NFATC3: variants seen among roughly 807,000 people sequenced by gnomAD.
NFATC3 encodes the protein nuclear factor of activated T cells 3.
A neutral mutation model predicts 98.6 loss-of-function variants in NFATC3; 46 were observed. That is an observed-to-expected ratio of 0.47 (90% CI 0.37 to 0.60). The LOEUF is 0.60. NFATC3 is among the 20% of genes least tolerant of loss of function. The pLI is 0.00. For synonymous variants in NFATC3, 512 were observed against 472.2 expected, an observed-to-expected ratio of 1.08 and a Z score of -1.09; for missense variants, 1,256 against 1,295.5, an observed-to-expected ratio of 0.97 and a Z score of 0.47.
chr16:68,160,183 A>G (rs1012125282), intron 4 of NFATC3, among the ~76,000 whole-genome samples: 1 of 152,266 alleles, frequency 6.6e-6, no homozygotes. Flanking sequence ...ATAGAAACTG[A>G]TATGTTTCTA....
At chr16:68,138,021 C>G (rs1567516164) in intron 3 of NFATC3, among the ~76,000 whole-genome samples, 1 of 152,036 alleles carries the variant, frequency 6.6e-6, no homozygotes, top group Admixed American at 6.6e-5. Context: ...GATACTCTTT[C>G]TCTTACTTTA....
At chr16:68,195,045 G>A (rs2040602680) in intron 9 of NFATC3, among the ~76,000 whole-genome samples, 1 of 151,744 alleles carries the variant, frequency 6.6e-6, no homozygotes, top group East Asian at 1.9e-4. Flanking sequence ...CTAAGGTCAG[G>A]AGTTGGAGAC....
intron 2 of NFATC3, among the ~76,000 whole-genome samples, chr16:68,124,624 G>A (rs980447527): frequency 5.3e-5 from 8 of 150,780 alleles, no homozygotes; most frequent in African/African-American, 2.0e-4. Flanking sequence ...TAGTAGAGAC[G>A]GGGTTTCACC....
intron 9 of NFATC3, among the ~76,000 whole-genome samples, chr16:68,199,368 C>T (rs1311352428): frequency 3.7e-4 from 55 of 148,914 alleles, no homozygotes; most frequent in East Asian, 8.4e-4. Context: ...GGACTACAGG[C>T]GCCCGCCACC....
chr16:68,198,356 T>C (rs919766428), intron 9 of NFATC3, among the ~76,000 whole-genome samples: 2 of 152,102 alleles, frequency 1.3e-5, no homozygotes, highest in African/African-American at 4.8e-5. Context: ...AATATTCTAA[T>C]ATAGCTCTCA....
chr16:68,114,282 A>G (rs778063831), intron 1 of NFATC3, among the ~76,000 whole-genome samples: 30 of 151,930 alleles, frequency 2.0e-4, no homozygotes, highest in Non-Finnish European at 3.7e-4. Context: ...AGTCAGTCCC[A>G]GTGAGAGAAC....
At chr16:68,207,641 T>C (rs2041205980) in intron 9 of NFATC3, among the ~76,000 whole-genome samples, 1 of 152,102 alleles carries the variant, frequency 6.6e-6, no homozygotes, top group African/African-American at 2.4e-5. Context: ...TTTTTGTATT[T>C]TTAGTAAAAA....
chr16:68,114,598 CGG>C (rs1267911740), intron 1 of NFATC3, among the ~76,000 whole-genome samples: 3 of 139,654 alleles, frequency 2.1e-5, no homozygotes, highest in African/African-American at 8.1e-5. Context: ...TTTTTTGAGA[CGG>C]AGTCTTGCTT....
rs186567823 is a variant in NFATC3 at position 68,089,002 on chromosome 16, T to C, written c.103+3218T>C. On this transcript the variant is annotated intron_variant, in intron 1 of 9. Transcript: ENST00000346183. ...AATAAGTGAATAAATAACACCTAAG[T>C]TTTGAATCATTGCTCACTGCTCTTT... 5 of 985,378 alleles carry C rather than the reference T, an allele frequency of 5.1e-6. No individual in the cohort carries two copies. In the East Asian group the frequency reaches 5.7e-4, roughly 112 times the overall value. The allele number at this position is 985,378 out of a possible 1,614,324, so 61.0% of individuals were successfully genotyped here. A position where few individuals can be genotyped will look rare whatever the true frequency, so the allele number is the denominator to read the frequency against.
chr16:68,098,302 T>TATTA (rs199707898), intron 1 of NFATC3, among the ~76,000 whole-genome samples: 22 of 119,566 alleles, frequency 1.8e-4, no homozygotes, highest in African/African-American at 6.8e-4. Context: ...TTATTATTAT[T>TATTA]TTTTTTTTTT....
intron 9 of NFATC3, among the ~76,000 whole-genome samples, chr16:68,208,713 G>A (rs1313531937): frequency 2.7e-5 from 4 of 150,910 alleles, no homozygotes; most frequent in Non-Finnish European, 5.9e-5. Flanking sequence ...CTGAGACTCC[G>A]TCTCAAAAAC....
rs200019144 is a variant in NFATC3 at position 68,122,391 on chromosome 16, A to G, written c.508A>G (p.Ile170Val). ...TCTTAGTCCTAGTCCTGCCAGCAGCATCTCTTCTAGGAGTTGGTTCTCTGA... is the reference window on the plus strand; with the variant it reads ...TCTTAGTCCTAGTCCTGCCAGCAGCGTCTCTTCTAGGAGTTGGTTCTCTGA... ...SSLSPSPASS[I>V]SSRSWFSDAS... The change falls in exon 2 of 10, where the codon ATC (isoleucine) becomes GTC (valine). Residue 170 changes from isoleucine to valine, a missense_variant. By Grantham distance (29) the Ile-to-Val change is conservative (BLOSUM62 3). This residue lies in a region of NFATC3 where 464 missense variants were observed against 465.7 expected (regional missense o/e 1.00). Transcript: ENST00000346183. 4.3e-6 allele frequency: 7 copies of G among 1,614,144 alleles called. No individual in the cohort carries two copies. The Admixed American group carries it at 5.0e-5, about 12-fold the overall frequency.
rs1380247998 is a variant in NFATC3, at chr16:68,167,813, T to C, written c.1774+798T>C. Among the ~76,000 whole-genome samples, 69 of 51,136 alleles carry C rather than the reference T, an allele frequency of 1.3e-3. 1 individual carries two copies. Among genetic ancestry groups the C allele is most frequent in the Middle Eastern group, 7.4e-3 (1 of 136 alleles). 33.5% of individuals were successfully genotyped at this position (51,136 alleles called of 152,430 possible). ...ATATCTGTTAACCGTATGTGTTCTT[T>C]TTTTTTTTTTTTTTTTTTTTTTTTT... On this transcript the variant is annotated intron_variant, in intron 5 of 9. Coordinates refer to ENST00000346183, the MANE Select transcript of NFATC3 (RefSeq NM_173165.3).
intron 9 of NFATC3, among the ~76,000 whole-genome samples, chr16:68,202,592 G>A (rs962769731): frequency 2.0e-5 from 3 of 152,006 alleles, no homozygotes; most frequent in South Asian, 2.1e-4. Flanking sequence ...CAGGTAGATC[G>A]CCTGAGGTCA....
In NFATC3 at chr16:68,227,225, C is replaced by G. The variant is rs2042057237; in HGVS notation, c.*754C>G. The G allele has an allele frequency of 6.6e-6, 1 of 152,186 alleles. No individual in the cohort carries two copies. The highest frequency in any genetic ancestry group is 1.5e-5 in the Non-Finnish European group (1 of 68,036). The allele number at this position is 152,186 out of a possible 1,614,324, so 9.4% of individuals were successfully genotyped here. A position where few individuals can be genotyped will look rare whatever the true frequency, so the allele number is the denominator to read the frequency against. ...TGAAATTGCTTTTTCCCTCAGGACC[C>G]TGGGTAAGATGGCTACATTTAAGGT... On this transcript the variant is annotated 3_prime_UTR_variant, in exon 10 of 10. Coordinates refer to ENST00000346183, the MANE Select transcript of NFATC3 (RefSeq NM_173165.3).
intron 1 of NFATC3, chr16:68,089,028 C>T (rs2034559635): frequency 2.0e-6 from 2 of 985,374 alleles, no homozygotes; most frequent in Non-Finnish European, 1.2e-6. Flanking sequence ...ACTGCTCTTT[C>T]GTGGTAGAGG....
At chr16:68,111,795 G>A (rs963811797) in intron 1 of NFATC3, among the ~76,000 whole-genome samples, 2 of 152,120 alleles carry the variant, frequency 1.3e-5, no homozygotes, top group Admixed American at 6.6e-5. Context: ...GCTTCCTTCA[G>A]GAATTCTTGT....
rs1363956937 is a variant in NFATC3, at chr16:68,226,890, C to G, written c.*419C>G. 1 of 32,302 alleles carries G rather than the reference C, an allele frequency of 3.1e-5. No homozygotes were observed. The highest frequency in any genetic ancestry group is 5.5e-5 in the Non-Finnish European group (1 of 18,280). The allele number at this position is 32,302 out of a possible 1,614,324, so 2.0% of individuals were successfully genotyped here. On this transcript the variant is annotated 3_prime_UTR_variant, in exon 10 of 10. Transcript: ENST00000346183. ...AAATAGGAACTTTTGATAAGACCTT[C>G]TAGAAGCAAAAAAAAAAAAAAAAAA... is the stretch of plus-strand genomic sequence containing the variant.
chr16:68,186,398 G>C (rs2040202642), intron 8 of NFATC3, among the ~76,000 whole-genome samples: 1 of 152,044 alleles, frequency 6.6e-6, no homozygotes, highest in Non-Finnish European at 1.5e-5. Context: ...AAATGAGCCG[G>C]GCGTGGTGTC....
Sources: allele counts gnomAD v4.1 joint callset (sites outside exome capture counted in the v4.1 genomes callset), GRCh38; gene constraint gnomAD v4.1.1; regional missense constraint gnomAD v4.1.1; transcripts MANE v1.5; gene names NCBI Gene and HGNC (gene_info 2026-07-23, HGNC 2026-07-21).